The following LDLRAP1 variants were observed in gnomAD, a reference collection of about 807,000 sequenced individuals.
The protein encoded by LDLRAP1 is low density lipoprotein receptor adapter protein 1.
Under a neutral mutation model 37.8 loss-of-function variants are expected in LDLRAP1, and 30 were observed. The ratio of observed to expected loss-of-function variants is 0.79; its 90% CI spans 0.59 to 1.08. LDLRAP1 has a LOEUF of 1.08. Among genes scored for constraint, LDLRAP1 ranks in the 50% least tolerant of loss-of-function variants. The pLI is 0.00. For missense variants in LDLRAP1, 375 were observed against 401.6 expected, an observed-to-expected ratio of 0.93 and a Z score of 0.57; for synonymous variants, 156 against 169.8, an observed-to-expected ratio of 0.92 and a Z score of 0.63.
intron 4 of LDLRAP1, among the ~76,000 whole-genome samples, chr1:25,560,178 C>A (rs1373149249): frequency 6.6e-6 from 1 of 152,154 alleles, no homozygotes; most frequent in African/African-American, 2.4e-5. Flanking sequence ...GAGGCAGCTT[C>A]CGTTTGCAGT....
intron 1 of LDLRAP1, among the ~76,000 whole-genome samples, chr1:25,549,265 T>C (rs72873718): frequency 0.21 from 31,764 of 152,114 alleles, 7,979 homozygotes; most frequent in African/African-American, 0.6. Context: ...GCTTGAGCCC[T>C]CTTCTGAGAT....
chr1:25,552,110 A>G (rs1451867882), intron 1 of LDLRAP1, among the ~76,000 whole-genome samples: 1 of 151,804 alleles, frequency 6.6e-6, no homozygotes, highest in East Asian at 1.9e-4. Context: ...GGAGAGGGGG[A>G]CCAGAGCCCC....
intron 4 of LDLRAP1, among the ~76,000 whole-genome samples, chr1:25,557,643 A>C (rs77859587): frequency 0.047 from 7,084 of 152,186 alleles, 344 homozygotes; most frequent in African/African-American, 0.12. Flanking sequence ...AGGGGGGCCT[A>C]GGGTGGAAGG....
intron 8 of LDLRAP1, among the ~76,000 whole-genome samples, chr1:25,566,301 C>A (rs538909187): frequency 2.0e-5 from 3 of 152,236 alleles, no homozygotes; most frequent in South Asian, 2.1e-4. Flanking sequence ...CACTTAACAG[C>A]GATGTGTCAG....
chr1:25,559,094 C>G (rs2044281838), intron 4 of LDLRAP1, among the ~76,000 whole-genome samples: 1 of 152,174 alleles, frequency 6.6e-6, no homozygotes, highest in Admixed American at 6.5e-5. Context: ...GGCCACTTGC[C>G]TCGTGAGGTC....
chr1:25,547,561 C>T (rs2043966691), intron 1 of LDLRAP1, among the ~76,000 whole-genome samples: 1 of 152,076 alleles, frequency 6.6e-6, no homozygotes, highest in African/African-American at 2.4e-5. Flanking sequence ...TGGAGCTTAA[C>T]CCCGCTGTGG....
chr1:25,553,906 C>T lies in LDLRAP1; in HGVS notation c.89-16C>T, dbSNP rs1401162102. On this transcript the variant is annotated splice_polypyrimidine_tract_variant and intron_variant, in intron 1 of 8. Coordinates refer to ENST00000374338, the MANE Select transcript of LDLRAP1 (RefSeq NM_015627.3). The stretch of plus-strand genomic sequence containing the variant: ...CTGAGCCGCAGGGTCTGAGGGCCTA[C>T]CCTGTGCTACCCCAGAGCTGCCTGA... The T allele has an allele frequency of 1.1e-5, 18 of 1,612,786 alleles. No individual in the cohort carries two copies. Among genetic ancestry groups the T allele is most frequent in the Admixed American group, 1.7e-5 (1 of 59,982 alleles).
intron 1 of LDLRAP1, among the ~76,000 whole-genome samples, chr1:25,550,749 G>C (rs2044053145): frequency 6.6e-6 from 1 of 152,176 alleles, no homozygotes; most frequent in African/African-American, 2.4e-5. Flanking sequence ...CTTGAGCTGA[G>C]GGCCTAAGGC....
At chr1:25,556,072 A>T (rs922504464) in intron 3 of LDLRAP1, among the ~76,000 whole-genome samples, 1 of 152,120 alleles carries the variant, frequency 6.6e-6, no homozygotes, top group Non-Finnish European at 1.5e-5. Flanking sequence ...ACCCCCTGGG[A>T]TGGAGAAGAG....
chr1:25,563,259 C>T, intron 6 of LDLRAP1, 106 bp downstream of exon 6: 1 of 841,534 alleles, frequency 1.2e-6, no homozygotes, highest in Non-Finnish European at 1.9e-6. Context: ...TGGTTTTTCA[C>T]TTGTGTTTTG....
intron 3 of LDLRAP1, 142 bp from the exon 4 acceptor site, chr1:25,557,011 C>A: frequency 1.4e-6 from 1 of 729,602 alleles, no homozygotes; most frequent in South Asian, 1.5e-5. Flanking sequence ...AGCCTGGAGG[C>A]CAAGGCTGGA....
chr1:25,562,664 C>A lies in LDLRAP1; in HGVS notation c.480C>A (p.Thr160=). 6.2e-7 allele frequency: 1 copy of A among 1,614,176 alleles called. No homozygotes were observed. Among genetic ancestry groups the A allele is most frequent in the Non-Finnish European group, 8.5e-7 (1 of 1,180,010 alleles). Residue 160 remains threonine (T), a synonymous_variant, in exon 5 of 9, where the codon ACC becomes ACA. Transcript: ENST00000374338. The part of the protein sequence containing the change: ...KRKMAQAVTL[T]VAQAFKVAFE... ...TTCAGGCACAGGCTGTTACCCTCAC[C>A]GTAGCCCAGGCCTTCAAAGTCGCCT...
the LDLRAP1 span, among the ~76,000 whole-genome samples, chr1:25,581,233 G>A: frequency 6.6e-6 from 1 of 152,172 alleles, no homozygotes; most frequent in Non-Finnish European, 1.5e-5. Context: ...GCCTGGGGCG[G>A]GGGCACTGCT....
chr1:25,574,756 G>A, the LDLRAP1 span, among the ~76,000 whole-genome samples: 1 of 152,170 alleles, frequency 6.6e-6, no homozygotes. Context: ...GGCTCCGTGG[G>A]CCTGTATGTG....
chr1:25,559,486 G>GC, intron 4 of LDLRAP1, among the ~76,000 whole-genome samples: 1 of 152,314 alleles, frequency 6.6e-6, no homozygotes, highest in Admixed American at 6.5e-5. Context: ...TGACTGCAGA[G>GC]CCCTGACCAG....
At chr1:25,577,248 C>A in the LDLRAP1 span, among the ~76,000 whole-genome samples, 10 of 152,256 alleles carry the variant, frequency 6.6e-5, no homozygotes, top group Middle Eastern at 3.4e-3. Flanking sequence ...GGCTGATGAA[C>A]GGAGCTGAGG....
At position 25,554,089 on chromosome 1, in the gene LDLRAP1, G is replaced by C; in HGVS notation, c.231+25G>C. 1 of 1,612,278 alleles carries C rather than the reference G, an allele frequency of 6.2e-7. No individual in the cohort carries two copies. Among genetic ancestry groups the C allele is most frequent in the Non-Finnish European group, 8.5e-7 (1 of 1,179,924 alleles). On this transcript the variant is annotated intron_variant, in intron 2 of 8. Coordinates refer to ENST00000374338, the MANE Select transcript of LDLRAP1 (RefSeq NM_015627.3). The surrounding 1 kb of genome is among the most constrained non-coding windows in gnomAD (Gnocchi z 5.4). ...AGTGAGCACCCCAGTCAGGAAGGGT[G>C]GGGGAACCAGGGACCAAGGACCAGC...
chr1:25,571,988 G>C (rs1324794696), downstream of LDLRAP1, among the ~76,000 whole-genome samples: 1 of 152,222 alleles, frequency 6.6e-6, no homozygotes, highest in Non-Finnish European at 1.5e-5. Context: ...CCGGGCATGA[G>C]CTGGGCTTGC....
At chr1:25,579,897 TC>T in the LDLRAP1 span, among the ~76,000 whole-genome samples, 1 of 152,128 alleles carries the variant, frequency 6.6e-6, no homozygotes, top group Admixed American at 6.5e-5. Flanking sequence ...GATCATCATT[TC>T]CCCAAGGGTA....
Sources: allele counts gnomAD v4.1 joint callset (sites outside exome capture counted in the v4.1 genomes callset), GRCh38; gene constraint gnomAD v4.1.1; non-coding constraint Gnocchi (gnomAD v3.1); transcripts MANE v1.5; gene names NCBI Gene and HGNC (gene_info 2026-07-23, HGNC 2026-07-21).